Variants in NKAIN3 observed in about 807,000 individuals in gnomAD.
NKAIN3 encodes sodium/potassium-transporting ATPase subunit beta-1-interacting protein 3.
NKAIN3 carries 25 observed loss-of-function variants against 30.2 expected under a neutral mutation model. The ratio of observed to expected loss-of-function variants is 0.83; its 90% CI spans 0.60 to 1.16. The LOEUF is 1.16. NKAIN3 is among the 50% of genes most tolerant of loss of function. NKAIN3 has a pLI of 0.00. For synonymous variants in NKAIN3, 91 were observed against 89.6 expected (o/e 1.02, Z -0.09); for missense variants, 225 against 254.1 (o/e 0.89, Z 0.78).
At chr8:62,559,432 A>G (rs1362275833) in intron 1 of NKAIN3, among the ~76,000 whole-genome samples, 1 of 152,066 alleles carries the variant, frequency 6.6e-6, no homozygotes, top group Non-Finnish European at 1.5e-5. Context: ...ACATATTAAG[A>G]CAAAAGCCTA....
intron 1 of NKAIN3, among the ~76,000 whole-genome samples, chr8:62,493,085 G>A (rs532892915): frequency 1.3e-5 from 2 of 152,072 alleles, no homozygotes; most frequent in African/African-American, 4.8e-5. Context: ...GCTTTTGTTG[G>A]GATTGCTTCT....
At chr8:62,950,253 CTG>C (rs1289344082) in intron 5 of NKAIN3, among the ~76,000 whole-genome samples, 2 of 152,206 alleles carry the variant, frequency 1.3e-5, no homozygotes, top group Admixed American at 1.3e-4. Flanking sequence ...AACTCGCCCT[CTG>C]TGTACACTTT....
At chr8:62,331,018 A>C (rs576564949) in intron 1 of NKAIN3, among the ~76,000 whole-genome samples, 12 of 148,186 alleles carry the variant, frequency 8.1e-5, no homozygotes, top group African/African-American at 2.7e-4. Context: ...CTCTCTATAT[A>C]TATGTATGTA....
chr8:62,994,129 G>C (rs546105305), intron 5 of NKAIN3, among the ~76,000 whole-genome samples: 1 of 152,174 alleles, frequency 6.6e-6, no homozygotes, highest in Non-Finnish European at 1.5e-5. Flanking sequence ...TTGTCCTGCA[G>C]ATATACCCAC....
intron 1 of NKAIN3, among the ~76,000 whole-genome samples, chr8:62,256,396 G>C (rs1812263563): frequency 6.6e-6 from 1 of 152,172 alleles, no homozygotes; most frequent in African/African-American, 2.4e-5. Context: ...TCCAGCGTGG[G>C]TGACAGAACA....
At chr8:62,711,465 G>C (rs1160434605) in intron 3 of NKAIN3, among the ~76,000 whole-genome samples, 1 of 151,992 alleles carries the variant, frequency 6.6e-6, no homozygotes, top group African/African-American at 2.4e-5. Flanking sequence ...TTGTTGGATT[G>C]GGTTAATTGG....
At chr8:62,399,220 T>C (rs1817858580) in intron 1 of NKAIN3, among the ~76,000 whole-genome samples, 1 of 152,190 alleles carries the variant, frequency 6.6e-6, no homozygotes, top group East Asian at 1.9e-4. Flanking sequence ...AAATACATGT[T>C]CAGGGCAGGG....
intron 1 of NKAIN3, among the ~76,000 whole-genome samples, chr8:62,463,869 T>A (rs751014436): frequency 6.6e-6 from 1 of 152,198 alleles, no homozygotes; most frequent in South Asian, 2.1e-4. Context: ...ATATAAATAT[T>A]GTCTCTATGA....
At chr8:62,905,183 C>T (rs1246386846) in intron 4 of NKAIN3, among the ~76,000 whole-genome samples, 1 of 152,070 alleles carries the variant, frequency 6.6e-6, no homozygotes, top group Admixed American at 6.6e-5. Flanking sequence ...AGGGTTTGTG[C>T]ATGCAGAGAT....
intron 3 of NKAIN3, 68 bp from the exon 4 acceptor site, chr8:62,746,864 A>C: frequency 8.9e-7 from 1 of 1,119,886 alleles, no homozygotes; most frequent in South Asian, 1.5e-5. Context: ...ATTCTTCCTA[A>C]GGTCAAAGTC....
At chr8:62,290,136 T>A (rs1468474247) in intron 1 of NKAIN3, among the ~76,000 whole-genome samples, 1 of 152,160 alleles carries the variant, frequency 6.6e-6, no homozygotes, top group Admixed American at 6.5e-5. Context: ...CTTAAGGAGA[T>A]TTTGGGCTGA....
chr8:62,857,204 A>G (rs1412109425), intron 4 of NKAIN3: 2 of 277,536 alleles, frequency 7.2e-6, no homozygotes, highest in Non-Finnish European at 1.4e-5. Context: ...TTCTGAGAGG[A>G]TCACTGTTAT....
At chr8:62,927,318 C>T (rs974173307) in intron 5 of NKAIN3, among the ~76,000 whole-genome samples, 4 of 152,234 alleles carry the variant, frequency 2.6e-5, no homozygotes, top group African/African-American at 7.2e-5. Context: ...GTTGACTTCT[C>T]CTTCCTTGAA....
At chr8:62,355,551 T>G (rs1417198026) in intron 1 of NKAIN3, among the ~76,000 whole-genome samples, 1 of 152,190 alleles carries the variant, frequency 6.6e-6, no homozygotes, top group Non-Finnish European at 1.5e-5. Flanking sequence ...TTTTCCTGTT[T>G]TCTCAATTTT....
intron 1 of NKAIN3, among the ~76,000 whole-genome samples, chr8:62,423,262 A>G (rs1804701477): frequency 6.6e-6 from 1 of 152,000 alleles, no homozygotes; most frequent in Non-Finnish European, 1.5e-5. Flanking sequence ...TTTAATAGGC[A>G]ACTAGTCATC....
chr8:62,821,286 A>G (rs1210951024), intron 4 of NKAIN3, among the ~76,000 whole-genome samples: 6 of 152,158 alleles, frequency 3.9e-5, no homozygotes, highest in African/African-American at 1.4e-4. Flanking sequence ...GTTTTATTTT[A>G]TCCTTTGCTT....
At chr8:62,500,410 T>G (rs1285439268) in intron 1 of NKAIN3, among the ~76,000 whole-genome samples, 3 of 85,552 alleles carry the variant, frequency 3.5e-5, no homozygotes, top group African/African-American at 1.3e-4. Context: ...AGGAAAGAAA[T>G]AAGAAGGAAG....
At chr8:62,391,458 ATATT>A (rs1314376741) in intron 1 of NKAIN3, among the ~76,000 whole-genome samples, 1 of 152,136 alleles carries the variant, frequency 6.6e-6, no homozygotes, top group African/African-American at 2.4e-5. Context: ...TGAGCATTTA[ATATT>A]ACACTGGGAA....
chr8:62,814,892 A>T (rs374053489), intron 4 of NKAIN3, among the ~76,000 whole-genome samples: 15 of 152,192 alleles, frequency 9.9e-5, no homozygotes, highest in Middle Eastern at 3.4e-3. Context: ...AGAGCAGAAC[A>T]GAAGGAAATA....
Sources: gnomAD v4.1 joint callset for allele counts (sites outside exome capture counted in the v4.1 genomes callset) on GRCh38, gnomAD v4.1.1 for gene constraint, MANE v1.5 for transcripts, NCBI Gene and HGNC (gene_info 2026-07-23, HGNC 2026-07-21) for gene names.